The following LMO7 variants were observed in gnomAD, a reference collection of about 807,000 sequenced individuals.
LMO7 encodes the protein LIM domain 7.
LMO7 carries 120 observed loss-of-function variants against 206.5 expected under a neutral mutation model. The observed-to-expected ratio is 0.58, with a 90% CI of 0.50 to 0.68. The LOEUF is 0.68. Ranked by LOEUF, LMO7 falls within the 30% of genes least tolerant of loss-of-function variation. The probability of loss-of-function intolerance (pLI) is 0.00; values close to 1 mark genes in which losing one functional copy is unlikely to be tolerated. For synonymous variants in LMO7, 706 were observed against 681.5 expected, an observed-to-expected ratio of 1.04 and a Z score of -0.56; for missense variants, 1,959 against 1,957.9, an observed-to-expected ratio of 1.00 and a Z score of -0.01.
chr13:75,709,739 T>G (rs1248112967), intron 1 of LMO7, among the ~76,000 whole-genome samples: 3 of 152,342 alleles, frequency 2.0e-5, no homozygotes, highest in East Asian at 1.9e-4. Context: ...TTTCTCCCAT[T>G]CTGTAGGTTG....
chr13:75,775,931 A>G (rs1594887673), intron 4 of LMO7, among the ~76,000 whole-genome samples: 1 of 151,422 alleles, frequency 6.6e-6, no homozygotes, highest in Admixed American at 6.6e-5. Context: ...TAAAAATAGA[A>G]CTACCATTTG....
chr13:75,856,693 T>G, intron 30 of LMO7, 85 bp downstream of exon 30: 5 of 787,740 alleles, frequency 6.3e-6, no homozygotes, highest in Non-Finnish European at 1.1e-5. Flanking sequence ...TGCAGCGAGC[T>G]CCCCTCCAAG....
intron 4 of LMO7, among the ~76,000 whole-genome samples, chr13:75,764,768 T>C (rs1466400047): frequency 6.6e-6 from 1 of 152,154 alleles, no homozygotes; most frequent in Admixed American, 6.6e-5. Flanking sequence ...TGGCAAGTCT[T>C]CAGATACATT....
chr13:75,650,675 G>A (rs2037466787), intron 1 of LMO7, among the ~76,000 whole-genome samples: 1 of 152,150 alleles, frequency 6.6e-6, no homozygotes, highest in Non-Finnish European at 1.5e-5. Context: ...TTTCAGATTA[G>A]AATTGGTTTA....
intron 3 of LMO7, among the ~76,000 whole-genome samples, chr13:75,744,868 A>G (rs1467053915): frequency 1.3e-5 from 2 of 152,200 alleles, no homozygotes; most frequent in African/African-American, 4.8e-5. Context: ...TGTCGACCAG[A>G]AACACAGTGC....
chr13:75,628,151 C>T (rs1159943944), intron 2 of LMO7: 4 of 152,232 alleles, frequency 2.6e-5, no homozygotes, highest in African/African-American at 9.6e-5. Context: ...TCTATCCCTT[C>T]TCAGTTAACA....
chr13:75,845,175 A>G, intron 25 of LMO7, 152 bp from the exon 26 acceptor site: 1 of 454,186 alleles, frequency 2.2e-6, no homozygotes, highest in Non-Finnish European at 3.9e-6. Flanking sequence ...GTGAAAGATG[A>G]AAAATTTCTT....
chr13:75,730,204 T>G (rs1169081514), intron 3 of LMO7, among the ~76,000 whole-genome samples: 1 of 152,190 alleles, frequency 6.6e-6, no homozygotes, highest in Admixed American at 6.5e-5. Flanking sequence ...GAAGGAATGG[T>G]ACCAGTTCCT....
intron 2 of LMO7, among the ~76,000 whole-genome samples, chr13:75,725,801 A>T (rs956441648): frequency 6.6e-6 from 1 of 152,068 alleles, no homozygotes; most frequent in African/African-American, 2.4e-5. Context: ...AACCATGAAA[A>T]CAGGAAAACA....
intron 4 of LMO7, among the ~76,000 whole-genome samples, chr13:75,765,400 C>CTAA (rs2048736475): frequency 7.4e-6 from 1 of 135,692 alleles, no homozygotes; most frequent in Non-Finnish European, 1.5e-5. Context: ...GCAAGCTTAA[C>CTAA]GATATCCAAA....
At chr13:75,856,267 G>T (rs1350994942) in intron 29 of LMO7, among the ~76,000 whole-genome samples, 1 of 152,096 alleles carries the variant, frequency 6.6e-6, no homozygotes, top group Admixed American at 6.5e-5. Context: ...TCTATTTTTG[G>T]GGAGTATATT....
rs1475726551 is a variant in LMO7 at position 75,859,667 on chromosome 13, A to G, written c.*1724A>G. 1 of 152,184 alleles carries G rather than the reference A, an allele frequency of 6.6e-6. No individual in the cohort carries two copies. The highest frequency in any genetic ancestry group is 1.5e-5 in the Non-Finnish European group (1 of 68,030). The allele number at this position is 152,184 out of a possible 1,614,324, so 9.4% of individuals were successfully genotyped here. On this transcript the variant is annotated 3_prime_UTR_variant, in exon 31 of 31. Coordinates refer to ENST00000377534, the MANE Select transcript of LMO7 (RefSeq NM_001306080.2). Reference sequence around the variant, plus strand: ...TAGTTGCTCAGAGATTATGCATTTTAAGACACTCATAGTATATATTGCCAA... The same window carrying G: ...TAGTTGCTCAGAGATTATGCATTTTGAGACACTCATAGTATATATTGCCAA...
chr13:75,723,193 T>C (rs2044168254), intron 2 of LMO7, among the ~76,000 whole-genome samples: 1 of 144,726 alleles, frequency 6.9e-6, no homozygotes, highest in Non-Finnish European at 1.5e-5. Flanking sequence ...AATAAAAGAT[T>C]AAAAAAAAAC....
intron 1 of LMO7, among the ~76,000 whole-genome samples, chr13:75,711,422 C>T (rs777149215): frequency 1.3e-5 from 2 of 152,194 alleles, no homozygotes; most frequent in Non-Finnish European, 2.9e-5. Flanking sequence ...GTGAATCCAT[C>T]TGGTCCTGGA....
intron 1 of LMO7, among the ~76,000 whole-genome samples, chr13:75,637,254 A>T (rs1455341907): frequency 6.6e-6 from 1 of 151,958 alleles, no homozygotes; most frequent in Non-Finnish European, 1.5e-5. Context: ...TGGAAGGATG[A>T]TTTCTCTGGG....
intron 1 of LMO7, among the ~76,000 whole-genome samples, chr13:75,645,791 G>A (rs1055667287): frequency 1.3e-5 from 2 of 152,144 alleles, no homozygotes; most frequent in Non-Finnish European, 1.5e-5. Flanking sequence ...TTCACTTGGT[G>A]TTTCTAATTT....
At chr13:75,765,195 C>A (rs144975287) in intron 4 of LMO7, among the ~76,000 whole-genome samples, 268 of 152,076 alleles carry the variant, frequency 1.8e-3, no homozygotes, top group African/African-American at 6.3e-3. Context: ...TAACAGTCTG[C>A]CAAATTGGGC....
intron 1 of LMO7, among the ~76,000 whole-genome samples, chr13:75,682,088 C>T (rs2040586679): frequency 6.6e-6 from 1 of 152,112 alleles, no homozygotes; most frequent in Admixed American, 6.6e-5. Flanking sequence ...CCACAATGTT[C>T]TGCATTCCTA....
At chr13:75,738,728 A>T (rs1394733773) in intron 3 of LMO7, among the ~76,000 whole-genome samples, 1 of 152,224 alleles carries the variant, frequency 6.6e-6, no homozygotes, top group African/African-American at 2.4e-5. Context: ...CCCAATCTCA[A>T]AACAAAACCT....
Sources: gnomAD v4.1 joint callset for allele counts (sites outside exome capture counted in the v4.1 genomes callset) on GRCh38, gnomAD v4.1.1 for gene constraint, MANE v1.5 for transcripts, NCBI Gene and HGNC (gene_info 2026-07-23, HGNC 2026-07-21) for gene names.